Variants in CSNK1G3 observed in about 807,000 individuals in gnomAD.
CSNK1G3 encodes the protein casein kinase I isoform gamma-3.
CSNK1G3 carries 23 observed loss-of-function variants against 64.3 expected under a neutral mutation model. That is an observed-to-expected ratio of 0.36 (90% CI 0.26 to 0.51). CSNK1G3 has a LOEUF of 0.51. Among genes scored for constraint, CSNK1G3 ranks in the 20% least tolerant of loss-of-function variants. The probability of loss-of-function intolerance (pLI) is 0.96; values close to 1 mark genes in which losing one functional copy is unlikely to be tolerated. For synonymous variants in CSNK1G3, 158 were observed against 162.2 expected (o/e 0.97, Z 0.20); for missense variants, 357 against 510.5 (o/e 0.70, Z 2.90).
chr5:123,585,572 T>C (rs1728586237), intron 6 of CSNK1G3, among the ~76,000 whole-genome samples: 1 of 152,142 alleles, frequency 6.6e-6, no homozygotes, highest in East Asian at 1.9e-4. Flanking sequence ...GCAAAACATA[T>C]CTGAAAATAA....
chr5:123,606,440 G>A (rs1328668893), intron 12 of CSNK1G3, among the ~76,000 whole-genome samples: 5 of 152,134 alleles, frequency 3.3e-5, no homozygotes, highest in Non-Finnish European at 7.3e-5. Context: ...TTTGCAGTTA[G>A]ACATAGGTTA....
At chr5:123,559,116 C>A (rs182800860) in intron 4 of CSNK1G3, among the ~76,000 whole-genome samples, 21 of 152,196 alleles carry the variant, frequency 1.4e-4, no homozygotes, top group African/African-American at 5.1e-4. Flanking sequence ...ATGCTTATCC[C>A]TGATTTAATT....
At chr5:123,597,833 A>G (rs1434280732) in intron 10 of CSNK1G3, among the ~76,000 whole-genome samples, 2 of 152,164 alleles carry the variant, frequency 1.3e-5, no homozygotes, top group Non-Finnish European at 2.9e-5. Flanking sequence ...CAATTCCTCT[A>G]CCTTATGGTT....
chr5:123,551,891 G>T (rs1783731756), intron 2 of CSNK1G3, among the ~76,000 whole-genome samples: 2 of 152,030 alleles, frequency 1.3e-5, no homozygotes, highest in African/African-American at 4.8e-5. Flanking sequence ...ATATTGTACA[G>T]TTTTTTCATT....
rs143396315 is a variant in CSNK1G3, at chr5:123,539,215, G to A, written c.-247-6202G>A. ...TGTAATGCCAGCACTTTGAGAGGCT[G>A]AGGCGGGTATATTGCTTGAGCCTGG... On this transcript the variant is annotated intron_variant, in intron 1 of 12. Transcript: ENST00000345990. 3.3e-5 allele frequency among the ~76,000 whole-genome samples: 5 copies of A among 152,252 alleles called. No individual in the cohort carries two copies. The East Asian group carries it at 9.7e-4, about 29-fold the overall frequency.
chr5:123,561,628 AC>A (rs1381945392), intron 4 of CSNK1G3, among the ~76,000 whole-genome samples: 1 of 152,154 alleles, frequency 6.6e-6, no homozygotes, highest in Non-Finnish European at 1.5e-5. Context: ...AAATGAAATT[AC>A]TATTTGTGTA....
intron 6 of CSNK1G3, among the ~76,000 whole-genome samples, chr5:123,582,950 GT>G (rs1790578148): frequency 6.6e-6 from 1 of 152,186 alleles, no homozygotes; most frequent in South Asian, 2.1e-4. Context: ...TTCAGACTGA[GT>G]TTCAGTAATA....
At chr5:123,607,658 T>A (rs1214389007) in intron 12 of CSNK1G3, among the ~76,000 whole-genome samples, 1 of 152,162 alleles carries the variant, frequency 6.6e-6, no homozygotes, top group Non-Finnish European at 1.5e-5. Context: ...TGGTGATAGC[T>A]GCTCAATTCT....
At chr5:123,559,883 G>A (rs1040755614) in intron 4 of CSNK1G3, among the ~76,000 whole-genome samples, 1 of 151,870 alleles carries the variant, frequency 6.6e-6, no homozygotes, top group Non-Finnish European at 1.5e-5. Context: ...AATTATAAAC[G>A]GGCTATTTAG....
intron 9 of CSNK1G3, 76 bp from the exon 10 acceptor site, chr5:123,591,243 C>A: frequency 2.4e-6 from 2 of 844,654 alleles, no homozygotes; most frequent in Non-Finnish European, 3.5e-6. Flanking sequence ...TTCCTTAATT[C>A]TTTTAAGCAG....
chr5:123,558,831 GT>G (rs1345549119), intron 4 of CSNK1G3, among the ~76,000 whole-genome samples: 1 of 152,178 alleles, frequency 6.6e-6, no homozygotes, highest in Non-Finnish European at 1.5e-5. Context: ...AGTTAAGTGG[GT>G]ATAAAACGAA....
At chr5:123,561,769 C>T (rs1041350979) in intron 4 of CSNK1G3, among the ~76,000 whole-genome samples, 2 of 152,108 alleles carry the variant, frequency 1.3e-5, no homozygotes, top group Admixed American at 6.6e-5. Flanking sequence ...CTTATTTTCT[C>T]GACAGTTTCT....
chr5:123,613,090 T>G (rs189561655), intron 12 of CSNK1G3, among the ~76,000 whole-genome samples: 36 of 152,314 alleles, frequency 2.4e-4, no homozygotes, highest in African/African-American at 8.7e-4. Flanking sequence ...TATATTTTAA[T>G]AGACTCTTTT....
intron 1 of CSNK1G3, among the ~76,000 whole-genome samples, chr5:123,519,039 CT>C (rs1777647342): frequency 6.7e-6 from 1 of 148,738 alleles, no homozygotes; most frequent in South Asian, 2.2e-4. Flanking sequence ...GGATTATAGG[CT>C]TGAGTCACCG....
intron 11 of CSNK1G3, 82 bp from the exon 13 acceptor site, chr5:123,605,257 G>C: frequency 1.6e-6 from 2 of 1,250,224 alleles, no homozygotes; most frequent in East Asian, 2.4e-5. Context: ...GAAAAACAAT[G>C]TGATAATTTC....
At chr5:123,566,596 T>G (rs1361814248) in intron 4 of CSNK1G3, among the ~76,000 whole-genome samples, 1 of 152,160 alleles carries the variant, frequency 6.6e-6, no homozygotes, top group African/African-American at 2.4e-5. Flanking sequence ...TTTTGGTTTG[T>G]TTTTGCTTAG....
intron 10 of CSNK1G3, among the ~76,000 whole-genome samples, chr5:123,602,925 CA>C (rs1337728634): frequency 6.6e-6 from 1 of 152,094 alleles, no homozygotes. Context: ...ACCCTCATAT[CA>C]ACCTTGTTAA....
rs551395759 is a variant in CSNK1G3, at chr5:123,601,838, C to T, written c.1087-2886C>T. On this transcript the variant is annotated intron_variant, in intron 10 of 12. Coordinates refer to ENST00000345990, the Ensembl canonical transcript of CSNK1G3. ...GTTGAATAGTATGTTGAGAAAAGAGCAGTGGAAATTGTTCAGTGAACTGTT... is the reference window on the plus strand; with the variant it reads ...GTTGAATAGTATGTTGAGAAAAGAGTAGTGGAAATTGTTCAGTGAACTGTT... Among the ~76,000 whole-genome samples the T allele has an allele frequency of 3.9e-5, 6 of 152,176 alleles. No individual in the cohort carries two copies. In the South Asian group the frequency reaches 1.2e-3, roughly 32 times the overall value.
chr5:123,597,480 A>G (rs1368213833), intron 10 of CSNK1G3, among the ~76,000 whole-genome samples: 2 of 152,088 alleles, frequency 1.3e-5, no homozygotes, highest in East Asian at 3.9e-4. Context: ...ACTCCTCACT[A>G]TCATTGCAGT....
Sources: allele counts gnomAD v4.1 joint callset (sites outside exome capture counted in the v4.1 genomes callset), GRCh38; gene constraint gnomAD v4.1.1; transcripts MANE v1.5; gene names NCBI Gene and HGNC (gene_info 2026-07-23, HGNC 2026-07-21).